The following CNTNAP2 variants were observed in gnomAD, a reference collection of about 807,000 sequenced individuals.
CNTNAP2 encodes contactin associated protein 2, also known as contactin-associated protein-like 2.
CNTNAP2 carries 98 observed loss-of-function variants against 155.2 expected under a neutral mutation model. The ratio of observed to expected loss-of-function variants is 0.63; its 90% confidence interval spans 0.54 to 0.75. The LOEUF is 0.75. CNTNAP2 is among the 30% of genes least tolerant of loss of function. The pLI is 0.00. For missense variants in CNTNAP2, 1,727 were observed against 1,688.1 expected (o/e 1.02, Z -0.40); for synonymous variants, 651 against 631.2 (o/e 1.03, Z -0.47).
chr7:147,785,982 ACT>A (rs1797732713), intron 13 of CNTNAP2, among the ~76,000 whole-genome samples: 2 of 151,602 alleles, frequency 1.3e-5, no homozygotes, highest in Non-Finnish European at 2.9e-5. Flanking sequence ...ATAGAGTGAG[ACT>A]CTGTCTCAAA....
intron 9 of CNTNAP2, among the ~76,000 whole-genome samples, chr7:147,338,724 GA>G (rs893975108): frequency 2.6e-5 from 4 of 151,240 alleles, no homozygotes; most frequent in South Asian, 2.1e-4. Flanking sequence ...CAGAGTACAG[GA>G]AAAAAAACTC....
chr7:147,768,694 AC>A (rs1224863877), intron 13 of CNTNAP2, among the ~76,000 whole-genome samples: 1 of 152,064 alleles, frequency 6.6e-6, no homozygotes, highest in African/African-American at 2.4e-5. Flanking sequence ...ACAGAAAACA[AC>A]TGAGGCTTCA....
At chr7:148,093,851 T>C (rs1159233714) in intron 15 of CNTNAP2, among the ~76,000 whole-genome samples, 1 of 152,212 alleles carries the variant, frequency 6.6e-6, no homozygotes, top group African/African-American at 2.4e-5. Context: ...CACAGCTCAC[T>C]GCAGCCTCAA....
intron 9 of CNTNAP2, among the ~76,000 whole-genome samples, chr7:147,373,418 G>T (rs1050694176): frequency 6.6e-6 from 1 of 152,000 alleles, no homozygotes; most frequent in Admixed American, 6.6e-5. Context: ...TTAGGTAGGT[G>T]CACAAATAAC....
At chr7:147,395,831 T>TAAA in intron 10 of CNTNAP2, 51 bp downstream of exon 10, 3 of 1,603,556 alleles carry the variant, frequency 1.9e-6, no homozygotes, top group Non-Finnish European at 2.6e-6. Flanking sequence ...TCCAAACCTG[T>TAAA]GTTTCTGTTG....
chr7:146,869,849 G>A (rs977328365), intron 3 of CNTNAP2, among the ~76,000 whole-genome samples: 2 of 152,042 alleles, frequency 1.3e-5, no homozygotes, highest in African/African-American at 4.8e-5. Context: ...CCACAATGTG[G>A]GTACGTCTTC....
chr7:146,764,529 T>C (rs778435620), intron 1 of CNTNAP2, among the ~76,000 whole-genome samples: 10 of 151,648 alleles, frequency 6.6e-5, no homozygotes, highest in Non-Finnish European at 1.3e-4. Context: ...AAAAGCTTAA[T>C]TTAAAAAAAA....
In CNTNAP2 at chr7:146,633,581, T is replaced by C. The variant is rs116171641; in HGVS notation, c.98-140690T>C. Among the ~76,000 whole-genome samples the C allele has an allele frequency of 8.6e-3, 1,312 of 152,244 alleles. 13 individuals carry two copies. The highest frequency in any genetic ancestry group is 0.03 in the African/African-American group (1,243 of 41,528). ...CGTTATCTGAACAGCATGTGAATTT[T>C]GGTACCTATAATCTTTAGGGAAAAA... is the stretch of plus-strand genomic sequence containing the variant. On this transcript the variant is annotated intron_variant, in intron 1 of 23. Coordinates refer to ENST00000361727, the MANE Select transcript of CNTNAP2 (RefSeq NM_014141.6).
intron 9 of CNTNAP2, among the ~76,000 whole-genome samples, chr7:147,350,393 C>T (rs147274170): frequency 0.01 from 1,546 of 151,904 alleles, 17 homozygotes; most frequent in Middle Eastern, 0.014. Flanking sequence ...CCCCTCTAAG[C>T]GAATCATGAT....
intron 3 of CNTNAP2, among the ~76,000 whole-genome samples, chr7:146,852,863 T>C (rs7798913): frequency 0.8 from 122,424 of 152,176 alleles, 50,001 homozygotes; most frequent in African/African-American, 0.95. Flanking sequence ...TTGCCCAGGG[T>C]GAAGTCGTTG....
At chr7:147,667,814 A>C (rs9691327) in intron 13 of CNTNAP2, among the ~76,000 whole-genome samples, 1 of 145,588 alleles carries the variant, frequency 6.9e-6, no homozygotes, top group African/African-American at 2.8e-5. Context: ...AAAATAATAA[A>C]AAAAATAAAA....
chr7:146,392,941 G>C (rs1036739727), intron 1 of CNTNAP2, among the ~76,000 whole-genome samples: 1 of 152,118 alleles, frequency 6.6e-6, no homozygotes, highest in Non-Finnish European at 1.5e-5. Flanking sequence ...TTGAGATTTA[G>C]TTAAAGAAAA....
rs1563081914 is a variant in CNTNAP2, at chr7:148,418,039, A to G, written c.*2423A>G. The G allele has an allele frequency of 1.3e-5, 2 of 152,342 alleles. No homozygotes were observed. The highest frequency in any genetic ancestry group is 2.9e-5 in the Non-Finnish European group (2 of 68,036). The allele number at this position is 152,342 out of a possible 1,614,324, so 9.4% of individuals were successfully genotyped here. On this transcript the variant is annotated 3_prime_UTR_variant, in exon 24 of 24. Coordinates refer to ENST00000361727, the MANE Select transcript of CNTNAP2 (RefSeq NM_014141.6). ...ACATATAGGACACTGTCTTCCTTCA[A>G]GAGGGTTACAATGTGGCCATCAGAC...
chr7:147,486,665 G>A lies in CNTNAP2; in HGVS notation c.1777+624G>A, dbSNP rs10269335. ...ACTAGGAAAACACATATGTGCCTTG[G>A]TTTATATAAATAGCTTTATTCCAAA... On this transcript the variant is annotated intron_variant, in intron 11 of 23. Transcript: ENST00000361727. Among the ~76,000 whole-genome samples, 521 of 152,138 alleles carry A rather than the reference G, an allele frequency of 3.4e-3. 5 individuals carry two copies. Among genetic ancestry groups the A allele is most frequent in the African/African-American group, 0.012 (492 of 41,510 alleles).
intron 15 of CNTNAP2, among the ~76,000 whole-genome samples, chr7:148,023,359 A>G (rs1479067298): frequency 6.6e-6 from 1 of 152,226 alleles, no homozygotes; most frequent in African/African-American, 2.4e-5. Flanking sequence ...TGCCGGAGTG[A>G]TTAATGATAC....
At chr7:146,632,375 C>A (rs543268663) in intron 1 of CNTNAP2, among the ~76,000 whole-genome samples, 1 of 152,092 alleles carries the variant, frequency 6.6e-6, no homozygotes, top group Non-Finnish European at 1.5e-5. Context: ...CATAGGACAG[C>A]AAATGAATTT....
At position 147,197,535 on chromosome 7, in the gene CNTNAP2, A is replaced by G. The variant is rs557720274; in HGVS notation, c.1348+65026A>G. Among the ~76,000 whole-genome samples the G allele has an allele frequency of 2.6e-5, 4 of 152,206 alleles. No homozygotes were observed. In the East Asian group the frequency reaches 7.7e-4, roughly 29 times the overall value. On this transcript the variant is annotated intron_variant, in intron 8 of 23. Transcript: ENST00000361727. The stretch of plus-strand genomic sequence containing the variant: ...TCGTTAATAATATAAATAATAGGAG[A>G]TCTCTCTTGCCGGAAAAAAGGGGAA...
intron 13 of CNTNAP2, among the ~76,000 whole-genome samples, chr7:147,715,312 G>C (rs978603408): frequency 6.6e-6 from 1 of 152,052 alleles, no homozygotes; most frequent in Non-Finnish European, 1.5e-5. Flanking sequence ...ATGTATGAGT[G>C]ATTCCGCTTA....
At chr7:146,127,193 C>G (rs1797649874) in intron 1 of CNTNAP2, among the ~76,000 whole-genome samples, 1 of 152,046 alleles carries the variant, frequency 6.6e-6, no homozygotes, top group Non-Finnish European at 1.5e-5. Flanking sequence ...ACATTTTGTC[C>G]CCTCCTTTCA....
Sources: allele counts gnomAD v4.1 joint callset (sites outside exome capture counted in the v4.1 genomes callset), GRCh38; gene constraint gnomAD v4.1.1; transcripts MANE v1.5; gene names NCBI Gene and HGNC (gene_info 2026-07-23, HGNC 2026-07-21).